CAMTA2: variants seen among roughly 807,000 people sequenced by gnomAD.
CAMTA2 encodes the protein calmodulin binding transcription activator 2.
Under a neutral mutation model 135.7 loss-of-function variants are expected in CAMTA2, and 56 were observed. That is an observed-to-expected ratio of 0.41 (90% CI 0.33 to 0.52). The LOEUF is 0.52. Ranked by LOEUF, CAMTA2 falls within the 20% of genes least tolerant of loss-of-function variation. The pLI is 0.16. For missense variants in CAMTA2, 1,358 were observed against 1,553.4 expected, an observed-to-expected ratio of 0.87 and a Z score of 2.11; for synonymous variants, 591 against 604.6, an observed-to-expected ratio of 0.98 and a Z score of 0.33.
intron 17 of CAMTA2, 87 bp from the exon 18 acceptor site, chr17:4,970,172 G>T: frequency 6.9e-7 from 1 of 1,449,708 alleles, no homozygotes; most frequent in Non-Finnish European, 9.6e-7. Context: ...AAAACCACCA[G>T]CAACTGAGTC....
rs1383011275 is a variant in CAMTA2, at chr17:4,972,823, G to T, written c.2449C>A (p.Pro817Thr). The stretch of plus-strand genomic sequence containing the variant: ...AGGGCAAATGGGGGCTCCACCGAAG[G>T]CTCCTGTCTCTGTAGTTCCTCAAGG... ...RCLEELQRQE[P>T]SVEPPFALSP... is the part of the protein sequence containing the mutation. The change falls in exon 15 of 23, where the codon CCT becomes ACT. Residue 817 changes from proline (P) to threonine (T), a missense_variant. This residue lies in a region of CAMTA2 where 1,077 missense variants were observed against 1,127.5 expected (regional missense o/e 0.96). Coordinates refer to ENST00000348066, the MANE Select transcript of CAMTA2 (RefSeq NM_015099.4). The T allele has an allele frequency of 1.1e-5, 17 of 1,613,866 alleles. No individual in the cohort carries two copies. Among genetic ancestry groups the T allele is most frequent in the Non-Finnish European group, 1.2e-5 (14 of 1,180,032 alleles).
intron 14 of CAMTA2, 65 bp from the exon 15 acceptor site, chr17:4,973,056 G>T: frequency 6.6e-7 from 1 of 1,513,878 alleles, no homozygotes; most frequent in Non-Finnish European, 9.2e-7. Flanking sequence ...CTTCCTCCAG[G>T]TAGTCAGGTC....
At position 4,979,916 on chromosome 17, in the gene CAMTA2, G is replaced by A. The variant is rs771633938; in HGVS notation, c.1406C>T (p.Pro469Leu). 20 of 1,612,078 alleles carry A rather than the reference G, an allele frequency of 1.2e-5. No individual in the cohort carries two copies. The highest frequency in any genetic ancestry group is 1.7e-5 in the Non-Finnish European group (20 of 1,178,820). Residue 469 changes from proline to leucine, a missense_variant, in exon 9 of 23, where the codon CCC (proline) becomes CTC (leucine). Pro to Leu is a moderately conservative substitution (Grantham distance 98). Transcript: ENST00000348066. ...CTCCAAGGGGGCAGGTGAGGGTGGG[G>A]GTGAGGGAGGGGGTGAAGGTATGGG... ...APPIPSPPPSPPPSPAPLEPS... is the reference protein window; with the variant it reads ...APPIPSPPPSLPPSPAPLEPS...
chr17:4,969,216 T>C lies in CAMTA2; in HGVS notation c.3404A>G (p.Tyr1135Cys), dbSNP rs1278590776. ...RRAAVLIQQH[Y>C]RSYRRRPGPP... ...GCCGGGCCTGCGGCGGTAGGAGCGG[T>C]AGTGCTGCTGGATGAGCACAGCCGC... Residue 1135 changes from tyrosine (Y) to cysteine (C), a missense_variant, in exon 21 of 23, where the codon TAC becomes TGC. Tyr to Cys is a radical substitution (Grantham distance 194). Around this residue, in one of 4 missense-constraint regions of CAMTA2, gnomAD observed 167 missense variants for 207.0 expected, o/e 0.81. Transcript: ENST00000348066. The surrounding 1 kb of genome is among the most constrained non-coding windows in gnomAD (Gnocchi z 5.6). The C allele has an allele frequency of 1.2e-6, 2 of 1,612,814 alleles. No individual in the cohort carries two copies.
intron 6 of CAMTA2, 104 bp from the exon 7 acceptor site, chr17:4,981,935 A>G: frequency 7.5e-7 from 1 of 1,335,174 alleles, no homozygotes; most frequent in Non-Finnish European, 1.0e-6. Flanking sequence ...CCTCGCCCCC[A>G]ATTTCTGACT....
Position 4,973,590 on chromosome 17 carries a change from C to T in CAMTA2, c.2196G>A (p.Gln732=). 2.5e-6 allele frequency: 4 copies of T among 1,612,224 alleles called. No individual in the cohort carries two copies. The highest frequency in any genetic ancestry group is 3.4e-6 in the Non-Finnish European group (4 of 1,179,738). ...GYARLIETLS[Q]WRSVETGSLD... is the part of the protein sequence containing the mutation. The stretch of plus-strand genomic sequence containing the variant: ...ACCCAGCTGCCCTTGCTCACCGCCA[C>T]TGGCTCAGGGTCTCGATGAGGCGGG... Residue 732 remains glutamine, a synonymous_variant, in exon 13 of 23, where the codon CAG becomes CAA. Transcript: ENST00000348066.
chr17:4,979,570 T>A, intron 9 of CAMTA2, 114 bp downstream of exon 9: 1 of 636,492 alleles, frequency 1.6e-6, no homozygotes, highest in Non-Finnish European at 2.7e-6. Flanking sequence ...TAAGAAGCCA[T>A]GAAAACTGAG....
chr17:4,970,152 G>A (rs769144513), intron 17 of CAMTA2, 67 bp from the exon 18 acceptor site: 54 of 1,517,160 alleles, frequency 3.6e-5, no homozygotes, highest in Non-Finnish European at 4.8e-5. Flanking sequence ...CCTATGGATG[G>A]CTACGAAGGA....
chr17:4,986,990 CCCT>C (rs754689268), intron 1 of CAMTA2: 126 of 1,466,664 alleles, frequency 8.6e-5, no homozygotes, highest in East Asian at 3.9e-4. Context: ...GAGCCCCCCG[CCCT>C]CCTCGGGGAA....
intron 11 of CAMTA2, among the ~76,000 whole-genome samples, chr17:4,975,552 G>A (rs958737644): frequency 3.9e-5 from 6 of 152,190 alleles, no homozygotes; most frequent in African/African-American, 1.4e-4. Flanking sequence ...GCAGGACAGA[G>A]ACAGAACAGG....
intron 1 of CAMTA2, chr17:4,987,227 C>A (rs750784152): frequency 7.5e-7 from 1 of 1,341,366 alleles, no homozygotes; most frequent in South Asian, 2.0e-5. Flanking sequence ...GGACGCTTGG[C>A]ACTCTGGGCG....
chr17:4,974,078 T>C, intron 12 of CAMTA2: 1 of 524,644 alleles, frequency 1.9e-6, no homozygotes, highest in Non-Finnish European at 3.4e-6. Context: ...AGCCCTCTTC[T>C]TTCAGAAACT....
chr17:4,986,929 C>T (rs1407281601), intron 1 of CAMTA2: 1 of 1,516,122 alleles, frequency 6.6e-7, no homozygotes, highest in Admixed American at 2.0e-5. Context: ...GCCTCTGCCT[C>T]CCCTGGCCTC....
Position 4,985,141 on chromosome 17 carries a change from G to A in CAMTA2, c.135+739C>T, listed in dbSNP as rs924076798. Among the ~76,000 whole-genome samples, 20 of 152,086 alleles carry A rather than the reference G, an allele frequency of 1.3e-4. No individual in the cohort carries two copies. In the East Asian group the frequency reaches 3.7e-3, roughly 28 times the overall value. On this transcript the variant is annotated intron_variant, in intron 3 of 22. Coordinates refer to ENST00000348066, the MANE Select transcript of CAMTA2 (RefSeq NM_015099.4). Reference sequence around the variant, plus strand: ...GCGGGGGTTGCAGTGAGCCAAGATCGCGCCATTGTACTCCAGCCTGGGCAA... The same window carrying A: ...GCGGGGGTTGCAGTGAGCCAAGATCACGCCATTGTACTCCAGCCTGGGCAA...
In CAMTA2 at chr17:4,969,725, C is replaced by T. The variant is rs369226814; in HGVS notation, c.3190-24G>A. The T allele has an allele frequency of 6.2e-7, 1 of 1,613,292 alleles. No individual in the cohort carries two copies. ...CCCTGAAGGGAGAGAAGTCTCACCA[C>T]CTCATGACCCACATAATGGCATATC... On this transcript the variant is annotated intron_variant, in intron 18 of 22. Coordinates refer to ENST00000348066, the MANE Select transcript of CAMTA2 (RefSeq NM_015099.4). The surrounding 1 kb of genome is among the most constrained non-coding windows in gnomAD (Gnocchi z 5.6).
In CAMTA2 at chr17:4,978,484, A is replaced by C. The variant is rs755227562; in HGVS notation, c.1765+20T>G. On this transcript the variant is annotated intron_variant, in intron 10 of 22. Coordinates refer to ENST00000348066, the MANE Select transcript of CAMTA2 (RefSeq NM_015099.4). ...TGCCCACATGTCAGTCCCTCCCCCT[A>C]CGGTTCCCAATCCTCATACCGGGAC... 3 of 1,612,690 alleles carry C rather than the reference A, an allele frequency of 1.9e-6. No homozygotes were observed. The highest frequency in any genetic ancestry group is 2.5e-6 in the Non-Finnish European group (3 of 1,179,078).
At chr17:4,974,238 G>T in intron 12 of CAMTA2, 147 bp downstream of exon 12, 1 of 623,300 alleles carries the variant, frequency 1.6e-6, no homozygotes. Flanking sequence ...GGTGGGGATG[G>T]GAACAGGGTG....
intron 15 of CAMTA2, 30 bp downstream of exon 15, chr17:4,972,739 C>T: frequency 2.5e-6 from 4 of 1,598,538 alleles, no homozygotes; most frequent in Non-Finnish European, 3.4e-6. Context: ...ACCTACATCC[C>T]TCTCTCCAAA....
chr17:4,971,660 G>A (rs1972292540), intron 16 of CAMTA2, among the ~76,000 whole-genome samples: 1 of 149,190 alleles, frequency 6.7e-6, no homozygotes, highest in South Asian at 2.1e-4. Context: ...ATTTTTTAAT[G>A]CTTTTTATAT....
Sources: gnomAD v4.1 joint callset for allele counts (sites outside exome capture counted in the v4.1 genomes callset) on GRCh38, gnomAD v4.1.1 for gene constraint, gnomAD v4.1.1 regional missense constraint, Gnocchi (gnomAD v3.1) non-coding constraint, MANE v1.5 for transcripts, NCBI Gene and HGNC (gene_info 2026-07-23, HGNC 2026-07-21) for gene names.